NPR3: variants seen among roughly 807,000 people sequenced by gnomAD.
NPR3 encodes natriuretic peptide receptor 3.
In NPR3, 34 loss-of-function variants were observed where a neutral mutation model predicts 54.5. The ratio of observed to expected loss-of-function variants is 0.62; its 90% CI spans 0.47 to 0.83. NPR3 has a LOEUF of 0.83. Among genes scored for constraint, NPR3 ranks in the 40% least tolerant of loss-of-function variants. NPR3 has a pLI of 0.00. For missense variants in NPR3, 674 were observed against 720.8 expected (o/e 0.94, Z 0.74); for synonymous variants, 289 against 297.1 (o/e 0.97, Z 0.28).
intron 1 of NPR3, among the ~76,000 whole-genome samples, chr5:32,694,685 C>T (rs752619665): frequency 1.3e-5 from 2 of 152,140 alleles, no homozygotes; most frequent in African/African-American, 2.4e-5. Flanking sequence ...GCATTTATCC[C>T]TTTGTTTTAT....
chr5:32,710,859 G>GTTTTTTTTTTTTTTTTTTTTTT (rs56022335), upstream of NPR3: 141 of 979,670 alleles, frequency 1.4e-4, 3 homozygotes, highest in African/African-American at 8.4e-4. Context: ...CCCAGTCCTG[G>GTTTTTTTTTTTTTTTTTTTTTT]TTTTTTTTTT....
chr5:32,724,640 C>T (rs900665841), intron 1 of NPR3, 58 bp from the exon 2 acceptor site: 3 of 1,604,076 alleles, frequency 1.9e-6, no homozygotes, highest in Non-Finnish European at 2.6e-6. Flanking sequence ...CTGGTGTCAG[C>T]ATGCTCGAAG....
intron 4 of NPR3, among the ~76,000 whole-genome samples, chr5:32,775,315 C>T (rs1284326574): frequency 4.2e-5 from 6 of 144,000 alleles, no homozygotes; most frequent in South Asian, 2.2e-4. Context: ...TTTTTTGAGA[C>T]GGAGTTTTTG....
chr5:32,695,552 G>A (rs912883883), intron 1 of NPR3, among the ~76,000 whole-genome samples: 1 of 152,238 alleles, frequency 6.6e-6, no homozygotes, highest in Non-Finnish European at 1.5e-5. Flanking sequence ...ACAGGCGTAA[G>A]CCACCACGCC....
chr5:32,772,074 A>G (rs923302836), intron 3 of NPR3, among the ~76,000 whole-genome samples: 8 of 152,238 alleles, frequency 5.3e-5, no homozygotes, highest in Non-Finnish European at 1.2e-4. Flanking sequence ...TGGAAATTTC[A>G]TATTCCTTTG....
chr5:32,730,628 C>T (rs1332815288), intron 2 of NPR3, among the ~76,000 whole-genome samples: 2 of 152,126 alleles, frequency 1.3e-5, no homozygotes, highest in Non-Finnish European at 2.9e-5. Context: ...AGCAAGGTCC[C>T]ACCATACAGG....
chr5:32,755,423 G>A (rs1466767930), intron 3 of NPR3, among the ~76,000 whole-genome samples: 2 of 152,126 alleles, frequency 1.3e-5, no homozygotes, highest in Non-Finnish European at 2.9e-5. Context: ...ATATAGTTAA[G>A]CCTGAAGATG....
chr5:32,723,970 TAC>T (rs1739002614), intron 1 of NPR3, among the ~76,000 whole-genome samples: 2 of 151,948 alleles, frequency 1.3e-5, no homozygotes, highest in South Asian at 2.1e-4. Flanking sequence ...TACATATACA[TAC>T]ACACACAGAT....
intron 3 of NPR3, among the ~76,000 whole-genome samples, chr5:32,770,036 C>T (rs1414783983): frequency 2.0e-5 from 3 of 152,108 alleles, no homozygotes; most frequent in African/African-American, 7.2e-5. Flanking sequence ...TCTAAAAAAA[C>T]ACTAATAAAT....
At position 32,711,904 on chromosome 5, in the gene NPR3, A is replaced by T. The variant is rs777916621; in HGVS notation, c.128A>T (p.Gln43Leu). Residue 43 changes from glutamine to leucine, a missense_variant, in exon 1 of 8, where the codon CAG (glutamine) becomes CTG (leucine). Physicochemically the swap from Gln to Leu is moderately radical, Grantham distance 113. Coordinates refer to ENST00000265074, the MANE Select transcript of NPR3 (RefSeq NM_001204375.2). ...GGGAGIGGGR[Q>L]EREALPPQKI... ...GGCGCGGGCATAGGCGGCGGACGCC[A>T]GGAGAGAGAGGCGCTGCCGCCACAG... 32 of 1,488,444 alleles carry T rather than the reference A, an allele frequency of 2.1e-5. No individual in the cohort carries two copies. The African/African-American group carries it at 4.2e-4, about 20-fold the overall frequency. The allele number at this position is 1,488,444 out of a possible 1,614,324, so 92.2% of individuals were successfully genotyped here.
intron 3 of NPR3, among the ~76,000 whole-genome samples, chr5:32,742,760 T>C (rs1014705376): frequency 3.3e-5 from 5 of 152,272 alleles, no homozygotes; most frequent in Admixed American, 3.3e-4. Flanking sequence ...CTTTTCTCTC[T>C]TGTTAGTGAA....
intron 3 of NPR3, among the ~76,000 whole-genome samples, chr5:32,773,419 C>T (rs995366847): frequency 5.3e-5 from 8 of 152,128 alleles, no homozygotes; most frequent in Non-Finnish European, 1.0e-4. Context: ...CTACTGAAGA[C>T]AGTCCAAGTT....
chr5:32,710,859 G>GTTTGTTTTTTTTTTTTTTT, upstream of NPR3: 1 of 976,160 alleles, frequency 1.0e-6, no homozygotes, highest in East Asian at 3.6e-5. Context: ...CCCAGTCCTG[G>GTTTGTTTTTTTTTTTTTTT]TTTTTTTTTT....
intron 2 of NPR3, among the ~76,000 whole-genome samples, chr5:32,728,815 TTGTGTGTG>T (rs369731308): frequency 0.011 from 857 of 76,824 alleles, 18 homozygotes; most frequent in African/African-American, 0.022. Flanking sequence ...TTTGGAATAT[TTGTGTGTG>T]TGTGTGTGTG....
intron 1 of NPR3, among the ~76,000 whole-genome samples, chr5:32,702,329 T>C (rs1184764413): frequency 6.6e-6 from 1 of 152,094 alleles, no homozygotes; most frequent in Non-Finnish European, 1.5e-5. Context: ...TACATATGTA[T>C]ACATGTCCCA....
Position 32,783,015 on chromosome 5 carries a change from T to A in NPR3, c.1413T>A (p.Ser471=). ...ENRIVEHTNS[S]PCKSSGGLEE... is the part of the protein sequence containing the mutation. ...GAATTGTAGAGCATACAAACAGCTCTCCCTGCAAATCATGTAAGTCTGGAG... is the reference window on the plus strand; with the variant it reads ...GAATTGTAGAGCATACAAACAGCTCACCCTGCAAATCATGTAAGTCTGGAG... The change falls in exon 6 of 8, where the codon TCT becomes TCA. Residue 471 remains serine, a synonymous_variant. Coordinates refer to ENST00000265074, the MANE Select transcript of NPR3 (RefSeq NM_001204375.2). 6.2e-7 allele frequency: 1 copy of A among 1,600,718 alleles called. No individual in the cohort carries two copies. Among genetic ancestry groups the A allele is most frequent in the Middle Eastern group, 1.7e-4 (1 of 6,056 alleles).
chr5:32,728,857 A>G (rs1456901480), intron 2 of NPR3, among the ~76,000 whole-genome samples: 1 of 125,542 alleles, frequency 8.0e-6, no homozygotes, highest in East Asian at 2.2e-4. Context: ...ATATATATAT[A>G]TATATATATA....
chr5:32,768,829 C>A lies in NPR3; in HGVS notation c.1060-5879C>A, dbSNP rs192310758. Among the ~76,000 whole-genome samples, 316 of 151,868 alleles carry A rather than the reference C, an allele frequency of 2.1e-3. 1 individual carries two copies. Among genetic ancestry groups the A allele is most frequent in the African/African-American group, 7.3e-3 (303 of 41,548 alleles). On this transcript the variant is annotated intron_variant, in intron 3 of 7. Transcript: ENST00000265074. The stretch of plus-strand genomic sequence containing the variant: ...TTTGGAAAACTTAGGTCAGATCCCA[C>A]CCTAAGTAAGTTCTAACTTCAGTCG...
rs70961659 is a variant in NPR3, at chr5:32,728,837, GTATATATATATATA to G, written c.892+4043_892+4056del. 1.7e-4 allele frequency among the ~76,000 whole-genome samples: 8 copies of G among 48,012 alleles called. No individual in the cohort carries two copies. The East Asian group carries it at 3.2e-3, about 19-fold the overall frequency. 31.5% of individuals were successfully genotyped at this position (48,012 alleles called of 152,430 possible). ...TATTTGTGTGTGTGTGTGTGTGTGT[GTATATATATATATA>G]TATATATATATATATATATATATAT... On this transcript the variant is annotated intron_variant, in intron 2 of 7. Transcript: ENST00000265074.
Sources: gnomAD v4.1 joint callset for allele counts (sites outside exome capture counted in the v4.1 genomes callset) on GRCh38, gnomAD v4.1.1 for gene constraint, MANE v1.5 for transcripts, NCBI Gene and HGNC (gene_info 2026-07-23, HGNC 2026-07-21) for gene names.